Variants in RBFOX1 observed in about 807,000 individuals in gnomAD.
RBFOX1 encodes RNA binding fox-1 homolog 1.
In RBFOX1, 8 loss-of-function variants were observed where a neutral mutation model predicts 57.7. That is an observed-to-expected ratio of 0.14 (90% CI 0.08 to 0.25). The LOEUF (loss-of-function observed/expected upper bound fraction) is 0.25. Among genes scored for constraint, RBFOX1 ranks in the 10% least tolerant of loss-of-function variants. The probability of loss-of-function intolerance (pLI) is 1.00; values close to 1 mark genes in which losing one functional copy is unlikely to be tolerated. For missense variants in RBFOX1, 611 were observed against 548.5 expected, an observed-to-expected ratio of 1.11 and a Z score of -1.14; for synonymous variants, 326 against 222.4, an observed-to-expected ratio of 1.47 and a Z score of -4.15.
At chr16:7,001,299 A>G (rs113663562) in intron 3 of RBFOX1, among the ~76,000 whole-genome samples, 2 of 151,902 alleles carry the variant, frequency 1.3e-5, no homozygotes, top group African/African-American at 2.4e-5. Context: ...TGAGGTGACA[A>G]GGTGTTCCTG....
At chr16:6,471,858 A>C (rs141670441) in intron 2 of RBFOX1, among the ~76,000 whole-genome samples, 1 of 152,184 alleles carries the variant, frequency 6.6e-6, no homozygotes, top group East Asian at 1.9e-4. Flanking sequence ...CTTCACAGGA[A>C]GTCGACTTGC....
chr16:7,600,737 T>C (rs929133853), intron 9 of RBFOX1, among the ~76,000 whole-genome samples: 2 of 152,210 alleles, frequency 1.3e-5, no homozygotes, highest in African/African-American at 4.8e-5. Flanking sequence ...GAAAAACTTT[T>C]AGCAGCTGCA....
chr16:5,457,684 C>T (rs1305322074), intron 1 of RBFOX1, among the ~76,000 whole-genome samples: 1 of 152,248 alleles, frequency 6.6e-6, no homozygotes, highest in African/African-American at 2.4e-5. Context: ...CTCCAAGAAG[C>T]CTTCCAGGAC....
chr16:5,870,745 A>G (rs1382408226), intron 4 of RBFOX1, among the ~76,000 whole-genome samples: 1 of 152,054 alleles, frequency 6.6e-6, no homozygotes, highest in African/African-American at 2.4e-5. Context: ...CAATTCATCA[A>G]AACAAGCGAT....
At chr16:5,462,419 C>T (rs993593564) in intron 1 of RBFOX1, among the ~76,000 whole-genome samples, 12 of 152,060 alleles carry the variant, frequency 7.9e-5, no homozygotes, top group African/African-American at 1.4e-4. Context: ...CCACCCGCCT[C>T]GGCCTCCCAA....
chr16:6,946,378 C>T (rs2079524355), intron 3 of RBFOX1, among the ~76,000 whole-genome samples: 1 of 152,170 alleles, frequency 6.6e-6, no homozygotes, highest in Non-Finnish European at 1.5e-5. Flanking sequence ...GCCTATATTG[C>T]TTATCTGTGC....
chr16:5,843,971 C>T (rs959675345), intron 3 of RBFOX1, among the ~76,000 whole-genome samples: 3 of 152,182 alleles, frequency 2.0e-5, no homozygotes, highest in African/African-American at 2.4e-5. Context: ...GAGGGGAGAA[C>T]ATCATCTCTT....
chr16:6,380,429 TTTTTTTTTTTTTTTTTTA>T, intron 2 of RBFOX1, among the ~76,000 whole-genome samples: 2 of 64,192 alleles, frequency 3.1e-5, no homozygotes, highest in African/African-American at 1.2e-4. Flanking sequence ...TTTTTTTTTT[TTTTTTTTTTTTTTTTTTA>T]GTAGAACTCA....
intron 3 of RBFOX1, among the ~76,000 whole-genome samples, chr16:5,723,590 A>G (rs1456487243): frequency 6.6e-6 from 1 of 151,614 alleles, no homozygotes. Flanking sequence ...CTGTGGATTA[A>G]ACAGTGGTTG....
chr16:6,695,413 C>CAAAAAAAAAAAAAAAAAAAAAAAAAAAA (rs71145278), intron 3 of RBFOX1, among the ~76,000 whole-genome samples: 1 of 109,106 alleles, frequency 9.2e-6, no homozygotes, highest in African/African-American at 3.9e-5. Context: ...GAAACTCTGT[C>CAAAAAAAAAAAAAAAAAAAAAAAAAAAA]AAAAAAAAAA....
chr16:6,585,643 T>C (rs1227467060), intron 2 of RBFOX1, among the ~76,000 whole-genome samples: 2 of 152,200 alleles, frequency 1.3e-5, no homozygotes, highest in African/African-American at 2.4e-5. Context: ...ACATAGACTC[T>C]TTCTGTTTAA....
intron 2 of RBFOX1, among the ~76,000 whole-genome samples, chr16:6,479,151 C>T (rs76206136): frequency 0.025 from 3,865 of 152,202 alleles, 151 homozygotes; most frequent in African/African-American, 0.084. Flanking sequence ...TGTATTAGTC[C>T]GTTCTAACAC....
At chr16:6,381,545 A>G (rs73532328) in intron 2 of RBFOX1, among the ~76,000 whole-genome samples, 2,370 of 152,308 alleles carry the variant, frequency 0.016, 68 homozygotes, top group African/African-American at 0.053. Flanking sequence ...AACAGGAGGA[A>G]TGATACAAAA....
At chr16:7,506,951 A>G (rs1044064705) in intron 4 of RBFOX1, among the ~76,000 whole-genome samples, 3 of 152,228 alleles carry the variant, frequency 2.0e-5, no homozygotes, top group African/African-American at 7.2e-5. Context: ...ACATATGTGC[A>G]TACAGGACTT....
intron 2 of RBFOX1, among the ~76,000 whole-genome samples, chr16:6,645,621 A>T (rs544762204): frequency 6.6e-6 from 1 of 152,166 alleles, no homozygotes; most frequent in Non-Finnish European, 1.5e-5. Flanking sequence ...GAGTGCTTTG[A>T]TGTCTAAAAT....
At chr16:6,547,756 C>G (rs2096916433) in intron 2 of RBFOX1, among the ~76,000 whole-genome samples, 1 of 151,814 alleles carries the variant, frequency 6.6e-6, no homozygotes, top group Admixed American at 6.6e-5. Context: ...ACCAGGGGTC[C>G]TTCCTGGTCA....
intron 4 of RBFOX1, among the ~76,000 whole-genome samples, chr16:7,468,750 T>G (rs1365492523): frequency 6.6e-6 from 1 of 152,080 alleles, no homozygotes; most frequent in Non-Finnish European, 1.5e-5. Context: ...AGCAGGGATT[T>G]AGGAGATTGT....
intron 2 of RBFOX1, among the ~76,000 whole-genome samples, chr16:5,558,374 G>T (rs909687937): frequency 2.0e-5 from 3 of 152,102 alleles, no homozygotes; most frequent in African/African-American, 7.2e-5. Flanking sequence ...CGGTCCTCAT[G>T]TCCTCACCAC....
chr16:6,309,101 G>T (rs181717132), intron 1 of RBFOX1, among the ~76,000 whole-genome samples: 1 of 151,948 alleles, frequency 6.6e-6, no homozygotes, highest in Admixed American at 6.6e-5. Context: ...TCAAACCACT[G>T]CGTTCGCCTG....
Sources: gnomAD v4.1 joint callset for allele counts (sites outside exome capture counted in the v4.1 genomes callset) on GRCh38, gnomAD v4.1.1 for gene constraint, MANE v1.5 for transcripts, NCBI Gene and HGNC (gene_info 2026-07-23, HGNC 2026-07-21) for gene names.